The following RYR3 variants were observed in gnomAD, a reference collection of about 807,000 sequenced individuals.
RYR3 encodes the protein brain ryanodine receptor-calcium release channel.
Under a neutral mutation model 584.3 loss-of-function variants are expected in RYR3, and 207 were observed. That is an observed-to-expected ratio of 0.35 (90% confidence interval 0.32 to 0.40). The LOEUF (loss-of-function observed/expected upper bound fraction) is 0.40, where lower values mean the gene tolerates loss of function less well. Ranked by LOEUF, RYR3 falls within the 10% of genes least tolerant of loss-of-function variation. RYR3 has a pLI of 1.00. For synonymous variants in RYR3, 2,416 were observed against 2,248.5 expected (o/e 1.07, Z -2.11); for missense variants, 5,616 against 6,089.2 (o/e 0.92, Z 2.59).
In RYR3 at chr15:33,540,355, G is replaced by A. The variant is rs548004859; in HGVS notation, c.547-436G>A. On this transcript the variant is annotated intron_variant, in intron 6 of 103. Transcript: ENST00000634891. ...TAATAAAAAGCACCATTTGTGTCAG[G>A]CACTTGTCTGGGGGTGGGGATGCCT... Among the ~76,000 whole-genome samples, 3 of 152,182 alleles carry A rather than the reference G, an allele frequency of 2.0e-5. No individual in the cohort carries two copies. The East Asian group carries it at 5.8e-4, about 29-fold the overall frequency.
intron 12 of RYR3, among the ~76,000 whole-genome samples, chr15:33,569,524 A>G (rs2057906029): frequency 6.6e-6 from 1 of 152,134 alleles, no homozygotes; most frequent in Admixed American, 6.6e-5. Context: ...GGCTTATCTC[A>G]CTTAGCAAAA....
intron 2 of RYR3, among the ~76,000 whole-genome samples, chr15:33,495,760 A>G (rs1169437739): frequency 2.0e-5 from 3 of 152,158 alleles, no homozygotes; most frequent in East Asian, 3.8e-4. Context: ...ACTATCAACA[A>G]CTTTCCAGAG....
At chr15:33,843,406 A>G (rs17817680) in intron 91 of RYR3, 82 bp from the exon 92 acceptor site, 162,570 of 924,428 alleles carry the variant, frequency 0.18, 15,388 homozygotes, top group Middle Eastern at 0.26. Context: ...ACTTCTAACC[A>G]GAACTGACCT....
intron 1 of RYR3, among the ~76,000 whole-genome samples, chr15:33,416,801 T>G (rs530616716): frequency 6.6e-6 from 1 of 152,218 alleles, no homozygotes; most frequent in Non-Finnish European, 1.5e-5. Context: ...TACATCTTCT[T>G]GTAGGATTTT....
intron 1 of RYR3, among the ~76,000 whole-genome samples, chr15:33,317,125 G>T (rs142329263): frequency 2.0e-5 from 3 of 152,102 alleles, no homozygotes; most frequent in African/African-American, 7.2e-5. Flanking sequence ...CCATAGGACC[G>T]CCTTTTCTTA....
At chr15:33,523,501 T>G (rs1056974181) in intron 3 of RYR3, among the ~76,000 whole-genome samples, 2 of 152,094 alleles carry the variant, frequency 1.3e-5, no homozygotes, top group Non-Finnish European at 2.9e-5. Context: ...GCTTCATTCT[T>G]GAAGTCAGTG....
At chr15:33,590,841 C>G (rs1313750605) in intron 16 of RYR3, among the ~76,000 whole-genome samples, 4 of 152,098 alleles carry the variant, frequency 2.6e-5, no homozygotes, top group African/African-American at 9.7e-5. Context: ...TTGCCACTTC[C>G]AATCATATGC....
chr15:33,581,778 C>A, intron 14 of RYR3, 135 bp downstream of exon 14: 2 of 759,492 alleles, frequency 2.6e-6, no homozygotes, highest in Non-Finnish European at 4.3e-6. Flanking sequence ...CTTTTGTTAA[C>A]CATTCAATTT....
chr15:33,449,195 G>A (rs1427546466), intron 1 of RYR3, among the ~76,000 whole-genome samples: 5 of 152,154 alleles, frequency 3.3e-5, no homozygotes, highest in African/African-American at 7.2e-5. Flanking sequence ...GTGTCAGTGC[G>A]GGCTGTGGTC....
chr15:33,351,944 C>T (rs1232931372), intron 1 of RYR3, among the ~76,000 whole-genome samples: 1 of 151,894 alleles, frequency 6.6e-6, no homozygotes, highest in Non-Finnish European at 1.5e-5. Flanking sequence ...AAAGGGTATT[C>T]AATTAGGAAA....
rs762976157 is a variant in RYR3, at chr15:33,736,246, C to T, written c.7436C>T (p.Pro2479Leu). ...CLLAICNHLR[P>L]SMLQQLLRRL... ...ATTTCATACTGCAGTCACTTGAGGC[C>T]TTCCATGTTACAGCAACTCCTGCGA... Residue 2479 changes from proline (P) to leucine (L), a missense_variant, in exon 49 of 104, where the codon CCT (proline) becomes CTT (leucine). Physicochemically the swap from Pro to Leu is moderately conservative, Grantham distance 98 (BLOSUM62 -3). This residue lies in a region of RYR3 where 1,280 missense variants were observed against 1,426.2 expected (regional missense o/e 0.90). Transcript: ENST00000634891. 18 of 1,610,822 alleles carry T rather than the reference C, an allele frequency of 1.1e-5. No individual in the cohort carries two copies. The highest frequency in any genetic ancestry group is 1.7e-5 in the Admixed American group (1 of 59,986).
intron 1 of RYR3, among the ~76,000 whole-genome samples, chr15:33,409,485 T>C (rs2043255786): frequency 6.6e-6 from 1 of 152,132 alleles, no homozygotes; most frequent in African/African-American, 2.4e-5. Context: ...CTCAGCTCTA[T>C]CTCTTCACCT....
chr15:33,668,320 A>C (rs533958087), intron 36 of RYR3, among the ~76,000 whole-genome samples: 5 of 152,222 alleles, frequency 3.3e-5, no homozygotes, highest in South Asian at 4.1e-4. Context: ...CTGTCTCAAA[A>C]AAACAAACAA....
intron 36 of RYR3, among the ~76,000 whole-genome samples, chr15:33,667,934 G>A (rs559071133): frequency 2.6e-5 from 4 of 151,824 alleles, no homozygotes; most frequent in Non-Finnish European, 5.9e-5. Flanking sequence ...GCGGTGGTGC[G>A]CACCTGTAAT....
chr15:33,428,418 A>G (rs1389824668), intron 1 of RYR3, among the ~76,000 whole-genome samples: 1 of 152,242 alleles, frequency 6.6e-6, no homozygotes, highest in East Asian at 1.9e-4. Context: ...TGTACTTCGA[A>G]GATTTTAGTA....
chr15:33,552,238 T>G (rs1181593458), intron 10 of RYR3, among the ~76,000 whole-genome samples: 1 of 152,152 alleles, frequency 6.6e-6, no homozygotes, highest in Non-Finnish European at 1.5e-5. Context: ...GGAGCATGGG[T>G]CAGCACTGTG....
In RYR3 at chr15:33,739,145, T is replaced by C. The variant is rs578105363; in HGVS notation, c.7656+555T>C. On this transcript the variant is annotated intron_variant, in intron 50 of 103. Coordinates refer to ENST00000634891, the MANE Select transcript of RYR3 (RefSeq NM_001036.6). ...AAGTAGAGCTCTGACTCTTAGACTTTGCTCCACTTCCCCTAACCCAGTTTG... is the reference window on the plus strand; with the variant it reads ...AAGTAGAGCTCTGACTCTTAGACTTCGCTCCACTTCCCCTAACCCAGTTTG... Among the ~76,000 whole-genome samples, 230 of 152,350 alleles carry C rather than the reference T, an allele frequency of 1.5e-3. 1 individual carries two copies. Among genetic ancestry groups the C allele is most frequent in the African/African-American group, 5.3e-3 (221 of 41,594 alleles).
intron 1 of RYR3, among the ~76,000 whole-genome samples, chr15:33,371,883 C>T (rs190144776): frequency 8.3e-4 from 126 of 152,290 alleles, no homozygotes; most frequent in African/African-American, 2.4e-3. Context: ...GCTAAGGCAG[C>T]GGTGATGGCT....
intron 84 of RYR3, among the ~76,000 whole-genome samples, 157 bp from the exon 85 acceptor site, chr15:33,827,042 G>T (rs2077413758): frequency 6.6e-6 from 1 of 152,168 alleles, no homozygotes; most frequent in South Asian, 2.1e-4. Context: ...GGGGTGCTCA[G>T]AGCAGAGCTC....
Sources: allele counts gnomAD v4.1 joint callset (sites outside exome capture counted in the v4.1 genomes callset), GRCh38; gene constraint gnomAD v4.1.1; regional missense constraint gnomAD v4.1.1; transcripts MANE v1.5; gene names NCBI Gene and HGNC (gene_info 2026-07-23, HGNC 2026-07-21).